FAM180B: variants seen among roughly 807,000 people sequenced by gnomAD.
The protein encoded by FAM180B is protein FAM180B.
Under a neutral mutation model 13.6 loss-of-function variants are expected in FAM180B, and 14 were observed. The ratio of observed to expected loss-of-function variants is 1.03; its 90% CI spans 0.68 to 1.60. The LOEUF is 1.60. Ranked by LOEUF, FAM180B falls within the 40% of genes most tolerant of loss-of-function variation. FAM180B has a pLI of 0.00. For missense variants in FAM180B, 212 were observed against 230.4 expected (o/e 0.92, Z 0.52); for synonymous variants, 109 against 97.0 (o/e 1.12, Z -0.72).
At chr11:47,587,719 G>C (rs1439277001) in intron 1 of FAM180B, 32 bp from the exon 2 acceptor site, 1 of 1,458,534 alleles carries the variant, frequency 6.9e-7, no homozygotes, top group East Asian at 2.5e-5. Flanking sequence ...GGTGTAGCAT[G>C]GCAGGGGCCT....
Position 47,587,788 on chromosome 11 carries a change from G to C in FAM180B, c.123G>C (p.Leu41=). Residue 41 remains leucine (L), a synonymous_variant, in exon 2 of 3, where the codon CTG becomes CTC. Coordinates refer to ENST00000538490, the MANE Select transcript of FAM180B (RefSeq NM_001164379.3). ...PMDSTSVGGG[L]QEPEAPEVMF... ...ACAGCACCAGCGTGGGAGGTGGCCTGCAGGAGCCAGAGGCCCCGGAAGTGA... is the reference window on the plus strand; with the variant it reads ...ACAGCACCAGCGTGGGAGGTGGCCTCCAGGAGCCAGAGGCCCCGGAAGTGA... 1 of 1,535,216 alleles carries C rather than the reference G, an allele frequency of 6.5e-7. No individual in the cohort carries two copies. Among genetic ancestry groups the C allele is most frequent in the Non-Finnish European group, 8.7e-7 (1 of 1,145,740 alleles).
chr11:47,588,756 GGA>G lies in FAM180B; in HGVS notation c.*325_*326del. On this transcript the variant is annotated 3_prime_UTR_variant, in exon 3 of 3. Coordinates refer to ENST00000538490, the MANE Select transcript of FAM180B (RefSeq NM_001164379.3). ...TGTGTGTGTGTGTGTGTGTGTGTGT[GGA>G]GATCAGGGGTCAGGGTTGAGAAGTG... 4.2e-6 allele frequency: 1 copy of G among 236,516 alleles called. No homozygotes were observed. The highest frequency in any genetic ancestry group is 8.0e-6 in the Non-Finnish European group (1 of 125,100). The allele number at this position is 236,516 out of a possible 1,614,324, so 14.7% of individuals were successfully genotyped here.
chr11:47,587,413 A>T (rs781020983), intron 1 of FAM180B, among the ~76,000 whole-genome samples: 6 of 151,912 alleles, frequency 3.9e-5, no homozygotes, highest in Non-Finnish European at 7.4e-5. Context: ...TAGGGAGGGG[A>T]GGAGGGTGGG....
Position 47,586,868 on chromosome 11 carries a change from G to A in FAM180B, c.85+15G>A. 4 of 1,523,996 alleles carry A rather than the reference G, an allele frequency of 2.6e-6. No homozygotes were observed. Among genetic ancestry groups the A allele is most frequent in the Non-Finnish European group, 3.5e-6 (4 of 1,134,766 alleles). 94.4% of individuals were successfully genotyped at this position (1,523,996 alleles called of 1,614,324 possible). A position where few individuals can be genotyped will look rare whatever the true frequency, so the allele number is the denominator to read the frequency against. Reference sequence around the variant, plus strand: ...GCCCCATGCAGGTACCAGGCTTCAGGGTGGGTGGAGAGGAGCCAAGGCTGC... The same window carrying A: ...GCCCCATGCAGGTACCAGGCTTCAGAGTGGGTGGAGAGGAGCCAAGGCTGC... On this transcript the variant is annotated intron_variant, in intron 1 of 2. Transcript: ENST00000538490.
intron 1 of FAM180B, among the ~76,000 whole-genome samples, chr11:47,587,456 T>G (rs1186125142): frequency 6.6e-6 from 1 of 152,142 alleles, no homozygotes; most frequent in Non-Finnish European, 1.5e-5. Context: ...CCTGGAGCTC[T>G]TTAACAAGGG....
upstream of FAM180B, chr11:47,586,658 A>C: frequency 1.3e-6 from 1 of 782,512 alleles, no homozygotes; most frequent in Non-Finnish European, 2.2e-6. Context: ...GACACGCATT[A>C]CAGAGCTCTG....
Position 47,588,256 on chromosome 11 carries a change from G to A in FAM180B, c.374G>A (p.Gly125Asp). Residue 125 changes from glycine to aspartate, a missense_variant, in exon 3 of 3, where the codon GGC becomes GAC. By Grantham distance (94) the Gly-to-Asp change is moderately conservative. Coordinates refer to ENST00000538490, the MANE Select transcript of FAM180B (RefSeq NM_001164379.3). ...TWDFEHLLLT[G>D]LSCVYRLHAA... is the part of the protein sequence containing the mutation. ...GACTTTGAACATCTGCTCCTCACAG[G>A]CCTGTCCTGCGTCTACCGGCTCCAC... 1.3e-6 allele frequency: 2 copies of A among 1,537,128 alleles called. No homozygotes were observed. The highest frequency in any genetic ancestry group is 1.7e-6 in the Non-Finnish European group (2 of 1,146,846).
At chr11:47,587,465 G>A (rs970418277) in intron 1 of FAM180B, among the ~76,000 whole-genome samples, 2 of 152,162 alleles carry the variant, frequency 1.3e-5, no homozygotes, top group Non-Finnish European at 2.9e-5. Context: ...CTTTAACAAG[G>A]GCATTGTGCA....
intron 1 of FAM180B, among the ~76,000 whole-genome samples, chr11:47,587,440 C>T (rs1300036298): frequency 6.6e-6 from 1 of 152,126 alleles, no homozygotes; most frequent in South Asian, 2.1e-4. Flanking sequence ...TCTTGTGACC[C>T]GTTGGCCTGG....
At position 47,586,731 on chromosome 11, in the gene FAM180B, C is replaced by A; in HGVS notation, c.-38C>A. The A allele has an allele frequency of 1.3e-6, 2 of 1,481,518 alleles. No homozygotes were observed. The highest frequency in any genetic ancestry group is 4.9e-5 in the East Asian group (2 of 40,638). 91.8% of individuals were successfully genotyped at this position (1,481,518 alleles called of 1,614,324 possible). On this transcript the variant is annotated 5_prime_UTR_variant, in exon 1 of 3. In the 5' UTR this introduces an upstream ATG that the reference lacks. Transcript: ENST00000538490. The stretch of plus-strand genomic sequence containing the variant: ...GGCAGGCAGATGAGGGAGCAGAGAA[C>A]TGCTGAACAGAGTGAGACTCAGAGG...
At chr11:47,587,603 GA>G (rs1410733232) in intron 1 of FAM180B, 147 bp from the exon 2 acceptor site, 5 of 584,274 alleles carry the variant, frequency 8.6e-6, no homozygotes, top group Admixed American at 6.6e-5. Flanking sequence ...AGAGGGAGGG[GA>G]AAGGAGGGCA....
chr11:47,587,486 G>C (rs1272168024), intron 1 of FAM180B, among the ~76,000 whole-genome samples: 1 of 152,182 alleles, frequency 6.6e-6, no homozygotes, highest in Admixed American at 6.5e-5. Context: ...ATTTAAAGGA[G>C]GTGTCCTGGG....
Position 47,588,274 on chromosome 11 carries a change from G to T in FAM180B, c.392G>T (p.Arg131Leu), listed in dbSNP as rs191781208. 2.2e-4 allele frequency: 336 copies of T among 1,537,126 alleles called. No individual in the cohort carries two copies. Among genetic ancestry groups the T allele is most frequent in the Non-Finnish European group, 2.8e-4 (320 of 1,146,870 alleles). Residue 131 changes from arginine to leucine, a missense_variant, in exon 3 of 3, where the codon CGG becomes CTG. By Grantham distance (102) the Arg-to-Leu change is moderately radical. Transcript: ENST00000538490. ...LLLTGLSCVY[R>L]LHAASEAEER... Reference sequence around the variant, plus strand: ...CTCACAGGCCTGTCCTGCGTCTACCGGCTCCACGCAGCTAGTGAGGCTGAG... The same window carrying T: ...CTCACAGGCCTGTCCTGCGTCTACCTGCTCCACGCAGCTAGTGAGGCTGAG...
In FAM180B at chr11:47,586,844, CCCCATGCAGGTACCAGG is replaced by C. The variant is rs1227890342; in HGVS notation, c.78_85+9del. 1 of 1,536,280 alleles carries C rather than the reference CCCCATGCAGGTACCAGG, an allele frequency of 6.5e-7. No homozygotes were observed. The highest frequency in any genetic ancestry group is 8.7e-7 in the Non-Finnish European group (1 of 1,146,022). ...CCTCTCTGGTGTGACTACAACCCAG[CCCCATGCAGGTACCAGG>C]CTTCAGGGTGGGTGGAGAGGAGCCA... On this transcript the variant is annotated splice_donor_variant and splice_donor_5th_base_variant and coding_sequence_variant and intron_variant, in exon 1 of 3. Transcript: ENST00000538490. LOFTEE classifies it high-confidence loss of function.
chr11:47,588,534 G>A lies in FAM180B; in HGVS notation c.*100G>A. 1 of 624,634 alleles carries A rather than the reference G, an allele frequency of 1.6e-6. No individual in the cohort carries two copies. Among genetic ancestry groups the A allele is most frequent in the Non-Finnish European group, 2.8e-6 (1 of 362,782 alleles). 38.7% of individuals were successfully genotyped at this position (624,634 alleles called of 1,614,324 possible). A position where few individuals can be genotyped will look rare whatever the true frequency, so the allele number is the denominator to read the frequency against. ...GCGCAGGGGCTTCTGTCTGGCATCT[G>A]ATTCTTTTCACCGTGTTCAGATCTC... is the stretch of plus-strand genomic sequence containing the variant. On this transcript the variant is annotated 3_prime_UTR_variant, in exon 3 of 3. Transcript: ENST00000538490.
chr11:47,586,946 G>A (rs970572360), intron 1 of FAM180B, 93 bp downstream of exon 1: 44 of 835,774 alleles, frequency 5.3e-5, no homozygotes, highest in Middle Eastern at 2.9e-4. Flanking sequence ...GGGCATAGAA[G>A]CGTGGGCATG....
In FAM180B at chr11:47,588,719, A is replaced by AGTGTGTGTGT. The variant is rs58699057; in HGVS notation, c.*313_*322dup. The AGTGTGTGTGT allele has an allele frequency of 6.6e-5, 14 of 213,682 alleles. No homozygotes were observed. The highest frequency in any genetic ancestry group is 2.3e-4 in the African/African-American group (9 of 39,398). 13.2% of individuals were successfully genotyped at this position (213,682 alleles called of 1,614,324 possible). ...ACGACTTGCAGGCAGTGTGTGTGTG[A>AGTGTGTGTGT]GTGTGTGTGTGTGTGTGTGTGTGTG... On this transcript the variant is annotated 3_prime_UTR_variant, in exon 3 of 3. Coordinates refer to ENST00000538490, the MANE Select transcript of FAM180B (RefSeq NM_001164379.3).
At chr11:47,587,872 A>G (rs1010707974) in intron 2 of FAM180B, 51 bp downstream of exon 2, 10 of 1,473,530 alleles carry the variant, frequency 6.8e-6, no homozygotes, top group Non-Finnish European at 9.1e-6. Flanking sequence ...AGAGGTCCCT[A>G]AGCTCAGGGT....
At chr11:47,587,105 T>A (rs2097271982) in intron 1 of FAM180B, among the ~76,000 whole-genome samples, 2 of 152,090 alleles carry the variant, frequency 1.3e-5, no homozygotes, top group South Asian at 4.2e-4. Context: ...CAAAGCAGGG[T>A]CTCTTGACCT....
Sources: allele counts gnomAD v4.1 joint callset (sites outside exome capture counted in the v4.1 genomes callset), GRCh38; gene constraint gnomAD v4.1.1; transcripts MANE v1.5; gene names NCBI Gene and HGNC (gene_info 2026-07-23, HGNC 2026-07-21).